The following NAA35 variants were observed in gnomAD, a reference collection of about 807,000 sequenced individuals.
The protein encoded by NAA35 is N-alpha-acetyltransferase 35, NatC auxiliary subunit.
Under a neutral mutation model 101.7 loss-of-function variants are expected in NAA35, and 18 were observed. That is an observed-to-expected ratio of 0.18 (90% CI 0.12 to 0.26). NAA35 has a LOEUF of 0.26. Ranked by LOEUF, NAA35 falls within the 10% of genes least tolerant of loss-of-function variation. NAA35 has a pLI of 1.00. For missense variants in NAA35, 601 were observed against 886.8 expected (o/e 0.68, Z 4.09); for synonymous variants, 267 against 273.1 (o/e 0.98, Z 0.22).
intron 11 of NAA35, among the ~76,000 whole-genome samples, chr9:85,979,395 ACTC>A (rs745850419): frequency 2.4e-4 from 37 of 152,010 alleles, no homozygotes; most frequent in Middle Eastern, 3.4e-3. Context: ...AAAAGTAAAA[ACTC>A]CTTCAAATAA....
intron 4 of NAA35, among the ~76,000 whole-genome samples, chr9:85,958,808 A>G (rs1290542692): frequency 6.6e-6 from 1 of 152,158 alleles, no homozygotes; most frequent in Non-Finnish European, 1.5e-5. Flanking sequence ...GTACTTTTAA[A>G]TTTAATTTTT....
At chr9:85,993,475 G>T (rs965474938) in intron 11 of NAA35, among the ~76,000 whole-genome samples, 2 of 152,116 alleles carry the variant, frequency 1.3e-5, no homozygotes, top group African/African-American at 4.8e-5. Flanking sequence ...GGCTAGGAAA[G>T]GCTAATCCAT....
intron 17 of NAA35, chr9:86,015,763 T>A: frequency 1.0e-6 from 1 of 971,078 alleles, no homozygotes. Context: ...AGTTGTCCCC[T>A]TCACTCATGT....
rs186028487 is a variant in NAA35, at chr9:85,945,744, C to T, written c.124+3461C>T. Among the ~76,000 whole-genome samples, 194 of 152,216 alleles carry T rather than the reference C, an allele frequency of 1.3e-3. 4 individuals are homozygous for T. The South Asian group carries it at 0.034, about 26-fold the overall frequency. ...CCGTGTTAGTCAGGATGGTCTCGATCTCCTGACCTCGTGATCCATCCACCT... is the reference window on the plus strand; with the variant it reads ...CCGTGTTAGTCAGGATGGTCTCGATTTCCTGACCTCGTGATCCATCCACCT... On this transcript the variant is annotated intron_variant, in intron 2 of 22. Coordinates refer to ENST00000361671, the MANE Select transcript of NAA35 (RefSeq NM_024635.4).
At position 86,022,704 on chromosome 9, in the gene NAA35, A is replaced by G. The variant is rs1832622683; in HGVS notation, c.*744A>G. On this transcript the variant is annotated 3_prime_UTR_variant, in exon 23 of 23. Transcript: ENST00000361671. Reference sequence around the variant, plus strand: ...TTTTTGTTTACTTCATATTCAGTTTAACCCATGAAACATTTTCAAATGGGT... The same window carrying G: ...TTTTTGTTTACTTCATATTCAGTTTGACCCATGAAACATTTTCAAATGGGT... 6.6e-6 allele frequency among the ~76,000 whole-genome samples: 1 copy of G among 152,206 alleles called. No individual in the cohort carries two copies. Among genetic ancestry groups the G allele is most frequent in the Non-Finnish European group, 1.5e-5 (1 of 68,028 alleles).
intron 14 of NAA35, 22 bp from the exon 15 acceptor site, chr9:86,009,843 T>G: frequency 6.3e-7 from 1 of 1,587,906 alleles, no homozygotes; most frequent in Non-Finnish European, 8.6e-7. Flanking sequence ...TAGATTTTAA[T>G]GATGTGACTG....
intron 3 of NAA35, 43 bp from the exon 4 acceptor site, chr9:85,958,429 C>A: frequency 1.6e-6 from 2 of 1,244,950 alleles, no homozygotes; most frequent in South Asian, 1.3e-5. Context: ...AATAAGCTTA[C>A]TGGCTCAAAA....
intron 2 of NAA35, among the ~76,000 whole-genome samples, chr9:85,952,090 C>T (rs780773911): frequency 1.3e-5 from 2 of 152,214 alleles, no homozygotes; most frequent in Middle Eastern, 3.4e-3. Flanking sequence ...TACGTATTTA[C>T]CAAAATTTTA....
rs139339689 is a variant in NAA35, at chr9:86,021,599, C to G, written c.2119-302C>G. Among the ~76,000 whole-genome samples, 821 of 152,230 alleles carry G rather than the reference C, an allele frequency of 5.4e-3. 9 individuals are homozygous for G. Among genetic ancestry groups the G allele is most frequent in the African/African-American group, 0.019 (794 of 41,532 alleles). ...CCTGGAGCTAAAAAGTGTGCTGACC[C>G]CTGATCTAACTGAATGCCTTTCCTA... On this transcript the variant is annotated intron_variant, in intron 22 of 22. Coordinates refer to ENST00000361671, the MANE Select transcript of NAA35 (RefSeq NM_024635.4).
intron 3 of NAA35, among the ~76,000 whole-genome samples, chr9:85,956,933 G>T (rs564357899): frequency 2.3e-4 from 35 of 152,294 alleles, no homozygotes; most frequent in Non-Finnish European, 4.4e-4. Flanking sequence ...GTGGGGAGTG[G>T]CATGTGGTGC....
intron 13 of NAA35, among the ~76,000 whole-genome samples, chr9:86,005,479 G>C (rs1296938444): frequency 1.3e-5 from 2 of 152,322 alleles, no homozygotes; most frequent in East Asian, 3.9e-4. Flanking sequence ...ATCTTAGCCA[G>C]TGCAATAAAG....
chr9:85,957,975 C>A (rs1398420380), intron 3 of NAA35, among the ~76,000 whole-genome samples: 1 of 150,374 alleles, frequency 6.7e-6, no homozygotes, highest in Non-Finnish European at 1.5e-5. Context: ...GAGTTTCACT[C>A]TTGTTGCCCA....
chr9:85,972,016 T>G (rs1371445178), intron 6 of NAA35, among the ~76,000 whole-genome samples: 1 of 152,182 alleles, frequency 6.6e-6, no homozygotes, highest in Non-Finnish European at 1.5e-5. Flanking sequence ...GGTAGCAGTC[T>G]GTTTACATGA....
Position 86,025,279 on chromosome 9 carries a change from T to G in NAA35, c.*3319T>G, listed in dbSNP as rs1832737008. On this transcript the variant is annotated 3_prime_UTR_variant, in exon 23 of 23. Coordinates refer to ENST00000361671, the MANE Select transcript of NAA35 (RefSeq NM_024635.4). ...AGGACTGAAAAGAGCCCATTGAACT[T>G]GGCAAGTAAAGATTGCTGGCGACTG... is the stretch of plus-strand genomic sequence containing the variant. Among the ~76,000 whole-genome samples, 1 of 152,088 alleles carries G rather than the reference T, an allele frequency of 6.6e-6. No individual in the cohort carries two copies. The highest frequency in any genetic ancestry group is 2.4e-5 in the African/African-American group (1 of 41,422).
chr9:86,013,273 T>C, intron 16 of NAA35, 129 bp downstream of exon 16: 1 of 513,214 alleles, frequency 1.9e-6, no homozygotes, highest in Non-Finnish European at 3.3e-6. Flanking sequence ...ACTTAAAATA[T>C]AACAGTTTCT....
At chr9:86,020,482 TTTAAA>T (rs1225282651) in intron 21 of NAA35, among the ~76,000 whole-genome samples, 2 of 152,132 alleles carry the variant, frequency 1.3e-5, no homozygotes, top group African/African-American at 4.8e-5. Context: ...TATTTATAAT[TTTAAA>T]TTGCTTTTAT....
intron 12 of NAA35, 34 bp downstream of exon 12, chr9:85,996,611 C>A (rs370054587): frequency 2.8e-6 from 4 of 1,445,012 alleles, no homozygotes; most frequent in South Asian, 2.9e-5. Flanking sequence ...AATGTAACTT[C>A]CATTTAAAAA....
At chr9:85,972,524 A>AG (rs1273883247) in intron 6 of NAA35, among the ~76,000 whole-genome samples, 3 of 151,196 alleles carry the variant, frequency 2.0e-5, no homozygotes, top group African/African-American at 7.3e-5. Context: ...AAAAAAAAAA[A>AG]AAAAAAAAGG....
At chr9:86,010,570 T>G (rs1351419557) in intron 15 of NAA35, among the ~76,000 whole-genome samples, 2 of 63,582 alleles carry the variant, frequency 3.1e-5, no homozygotes, top group African/African-American at 5.3e-4. Context: ...AACCTTAGAA[T>G]TTTTTTTTTT....
Sources: gnomAD v4.1 joint callset for allele counts (sites outside exome capture counted in the v4.1 genomes callset) on GRCh38, gnomAD v4.1.1 for gene constraint, MANE v1.5 for transcripts, NCBI Gene and HGNC (gene_info 2026-07-23, HGNC 2026-07-21) for gene names.